The following RARA variants were observed in gnomAD, a reference collection of about 807,000 sequenced individuals.
RARA encodes retinoic acid receptor alpha, also known as PML-DDX5-RARA fusion.
In RARA, 5 loss-of-function variants were observed where a neutral mutation model predicts 42.8. The observed-to-expected ratio is 0.12, with a 90% confidence interval of 0.06 to 0.25. RARA has a LOEUF of 0.25. Ranked by LOEUF, RARA falls within the 10% of genes least tolerant of loss-of-function variation. RARA has a pLI of 1.00. For missense variants in RARA, 402 were observed against 628.7 expected (o/e 0.64, Z 3.86); for synonymous variants, 256 against 259.5 (o/e 0.99, Z 0.13).
At chr17:40,339,432 C>G (rs533236817) in intron 2 of RARA, among the ~76,000 whole-genome samples, 1 of 152,314 alleles carries the variant, frequency 6.6e-6, no homozygotes, top group South Asian at 2.1e-4. Context: ...CCGCTGGAGG[C>G]CCCCCAGCCC....
chr17:40,346,377 A>G (rs1033811982), intron 2 of RARA, among the ~76,000 whole-genome samples: 3 of 151,582 alleles, frequency 2.0e-5, no homozygotes, highest in Admixed American at 1.3e-4. Context: ...GCCTTGGGAG[A>G]GGCGGGGCCC....
chr17:40,328,618 C>A (rs997644959), intron 1 of RARA, among the ~76,000 whole-genome samples: 1 of 152,158 alleles, frequency 6.6e-6, no homozygotes, highest in Non-Finnish European at 1.5e-5. Flanking sequence ...CTCCTGGTAA[C>A]CACAAGTCTG....
chr17:40,342,048 C>T, intron 2 of RARA: 1 of 1,065,518 alleles, frequency 9.4e-7, no homozygotes, highest in Non-Finnish European at 1.1e-6. Context: ...CCCGCTGCAG[C>T]CGGACGCGCC....
chr17:40,332,629 A>G (rs2033729478), intron 2 of RARA, among the ~76,000 whole-genome samples: 1 of 152,166 alleles, frequency 6.6e-6, no homozygotes, highest in African/African-American at 2.4e-5. Context: ...CCTCTGGCTT[A>G]GCTGTGGCCC....
chr17:40,315,132 G>GTGTATA (rs1491257905), intron 1 of RARA, among the ~76,000 whole-genome samples: 28 of 64,172 alleles, frequency 4.4e-4, no homozygotes, highest in South Asian at 1.3e-3. Context: ...GCTTATATGT[G>GTGTATA]TATATATATA....
intron 6 of RARA, among the ~76,000 whole-genome samples, chr17:40,353,989 C>T (rs1304896972): frequency 1.3e-5 from 2 of 152,176 alleles, no homozygotes; most frequent in African/African-American, 4.8e-5. Flanking sequence ...TGACCTGGAC[C>T]TGCACTATCC....
intron 2 of RARA, chr17:40,341,469 C>T: frequency 1.3e-6 from 2 of 1,512,870 alleles, no homozygotes; most frequent in East Asian, 2.8e-5. Flanking sequence ...ACCCGGGTGC[C>T]AAACACTTGG....
At position 40,355,287 on chromosome 17, in the gene RARA, A is replaced by G. The variant is rs2034582843; in HGVS notation, c.1037A>G (p.Asp346Gly). 1 of 1,590,892 alleles carries G rather than the reference A, an allele frequency of 6.3e-7. No individual in the cohort carries two copies. Among genetic ancestry groups the G allele is most frequent in the African/African-American group, 1.3e-5 (1 of 74,494 alleles). ...GACCGCCAGGACCTGGAGCAGCCGG[A>G]CCGGGTGGACATGCTGCAGGAGCCG... ...CGDRQDLEQP[D>G]RVDMLQEPLL... Residue 346 changes from aspartate (D) to glycine (G), a missense_variant, in exon 8 of 9, where the codon GAC (aspartate) becomes GGC (glycine). Transcript: ENST00000254066. This position sits in a 1 kb window ranked among gnomAD's most constrained non-coding sequence, Gnocchi z 4.1.
At chr17:40,311,504 A>G (rs1334366669) in intron 1 of RARA, among the ~76,000 whole-genome samples, 2 of 152,012 alleles carry the variant, frequency 1.3e-5, no homozygotes, top group Non-Finnish European at 2.9e-5. Context: ...CCGCCACCCC[A>G]TTCCCATAGC....
intron 2 of RARA, chr17:40,341,704 G>C (rs958903175): frequency 1.1e-5 from 14 of 1,328,570 alleles, no homozygotes; most frequent in Non-Finnish European, 1.3e-5. Flanking sequence ...GCCCGGCCTG[G>C]GTGGGGGTGT....
At chr17:40,322,795 T>A (rs937980548) in intron 1 of RARA, among the ~76,000 whole-genome samples, 3 of 152,052 alleles carry the variant, frequency 2.0e-5, no homozygotes, top group Non-Finnish European at 4.4e-5. Context: ...TGTGACCCAC[T>A]GTGCAGATCA....
intron 1 of RARA, among the ~76,000 whole-genome samples, chr17:40,325,374 C>T (rs1001093708): frequency 9.2e-5 from 14 of 152,182 alleles, no homozygotes; most frequent in African/African-American, 2.9e-4. Context: ...CCCGAGTGGC[C>T]GGATTGTAGG....
Position 40,352,148 on chromosome 17 carries a change from T to A in RARA, c.630+78T>A. The A allele has an allele frequency of 2.0e-6, 3 of 1,470,550 alleles. No individual in the cohort carries two copies. The highest frequency in any genetic ancestry group is 1.4e-5 in the South Asian group (1 of 70,892). The allele number at this position is 1,470,550 out of a possible 1,614,324, so 91.1% of individuals were successfully genotyped here. A position where few individuals can be genotyped will look rare whatever the true frequency, so the allele number is the denominator to read the frequency against. On this transcript the variant is annotated intron_variant, in intron 5 of 8. Transcript: ENST00000254066. The surrounding 1 kb of genome is among the most constrained non-coding windows in gnomAD (Gnocchi z 4.9). ...AGGATGGGCCCCTCTCAGGCACCCC[T>A]TCTTGTGCCAGGCAAGATCTCTGCG...
At chr17:40,341,459 AC>A in intron 2 of RARA, 2 of 1,517,396 alleles carry the variant, frequency 1.3e-6, no homozygotes, top group Non-Finnish European at 1.8e-6. Flanking sequence ...ACAATGTCAC[AC>A]CCGGGTGCCA....
chr17:40,310,882 C>T (rs1173675475), intron 1 of RARA, among the ~76,000 whole-genome samples: 1 of 152,124 alleles, frequency 6.6e-6, no homozygotes, highest in Non-Finnish European at 1.5e-5. Flanking sequence ...CTAGGTCAAT[C>T]TCTCCGCCTT....
intron 1 of RARA, among the ~76,000 whole-genome samples, chr17:40,327,527 A>G (rs1434266398): frequency 1.3e-5 from 2 of 152,174 alleles, no homozygotes; most frequent in East Asian, 3.8e-4. Flanking sequence ...GAGAATGTAC[A>G]GTTTGGGAGA....
intron 1 of RARA, among the ~76,000 whole-genome samples, chr17:40,310,472 C>G (rs1296993844): frequency 6.6e-6 from 1 of 152,092 alleles, no homozygotes. Context: ...GAATGGGTGG[C>G]ATGTCCCCAT....
In RARA at chr17:40,331,072, T is replaced by C; in HGVS notation, c.-147T>C. The C allele has an allele frequency of 3.2e-6, 3 of 941,914 alleles. No homozygotes were observed. Among genetic ancestry groups the C allele is most frequent in the Non-Finnish European group, 4.6e-6 (3 of 646,242 alleles). 58.3% of individuals were successfully genotyped at this position (941,914 alleles called of 1,614,324 possible). A position where few individuals can be genotyped will look rare whatever the true frequency, so the allele number is the denominator to read the frequency against. On this transcript the variant is annotated 5_prime_UTR_variant, in exon 2 of 9. Coordinates refer to ENST00000254066, the MANE Select transcript of RARA (RefSeq NM_000964.4). The stretch of plus-strand genomic sequence containing the variant: ...GAGACTGAGATTAGCCTGCCCTCTT[T>C]GGACAGCAGCTCCAGGACAGGGCGG...
chr17:40,339,450 G>A (rs1290157393), intron 2 of RARA, among the ~76,000 whole-genome samples: 2 of 152,152 alleles, frequency 1.3e-5, no homozygotes, highest in African/African-American at 4.8e-5. Flanking sequence ...CCCCAGCTGC[G>A]GGCCAGAGCC....
Sources: allele counts gnomAD v4.1 joint callset (sites outside exome capture counted in the v4.1 genomes callset), GRCh38; gene constraint gnomAD v4.1.1; non-coding constraint Gnocchi (gnomAD v3.1); transcripts MANE v1.5; gene names NCBI Gene and HGNC (gene_info 2026-07-23, HGNC 2026-07-21).